Variants in SUCLA2 observed in about 807,000 individuals in gnomAD.
The protein encoded by SUCLA2 is succinate--CoA ligase [ADP-forming] subunit beta, mitochondrial.
SUCLA2 carries 30 observed loss-of-function variants against 54.8 expected under a neutral mutation model. The observed-to-expected ratio is 0.55, with a 90% CI of 0.41 to 0.74. SUCLA2 has a LOEUF of 0.74. Ranked by LOEUF, SUCLA2 falls within the 30% of genes least tolerant of loss-of-function variation. The pLI, the probability that SUCLA2 is intolerant of heterozygous loss-of-function variation, is 0.00. For synonymous variants in SUCLA2, 172 were observed against 188.9 expected, an observed-to-expected ratio of 0.91 and a Z score of 0.74; for missense variants, 476 against 562.9, an observed-to-expected ratio of 0.85 and a Z score of 1.56.
At chr13:47,999,075 T>G (rs546802321) in intron 1 of SUCLA2, among the ~76,000 whole-genome samples, 1 of 152,284 alleles carries the variant, frequency 6.6e-6, no homozygotes, top group East Asian at 1.9e-4. Context: ...AATAAACAAC[T>G]GCAACACATA....
intron 4 of SUCLA2, among the ~76,000 whole-genome samples, chr13:47,984,993 T>G (rs1242446578): frequency 6.6e-6 from 1 of 152,106 alleles, no homozygotes; most frequent in Non-Finnish European, 1.5e-5. Context: ...AGACCAAAAG[T>G]ACCCAACAGG....
chr13:48,000,137 G>GAA (rs10714629), intron 1 of SUCLA2, among the ~76,000 whole-genome samples: 75 of 94,204 alleles, frequency 8.0e-4, no homozygotes, highest in East Asian at 3.0e-3. Context: ...CAATAAAAAT[G>GAA]AAAAAAAAAA....
chr13:48,001,085 C>T (rs1206273916), intron 1 of SUCLA2, 95 bp downstream of exon 1: 1 of 1,529,604 alleles, frequency 6.5e-7, no homozygotes, highest in East Asian at 2.5e-5. Flanking sequence ...AATGTCACTG[C>T]CGGCGAAGTG....
chr13:47,953,854 T>C (rs1349024638), intron 8 of SUCLA2, among the ~76,000 whole-genome samples: 2 of 152,152 alleles, frequency 1.3e-5, no homozygotes, highest in African/African-American at 4.8e-5. Flanking sequence ...TTTTGAATTA[T>C]GATACTTCAC....
chr13:47,943,314 G>C lies in SUCLA2; in HGVS notation c.*57C>G. ...AAAAAGAACAATAACACAGAACACA[G>C]TATTCTTAATGATTATAGCACATTT... On this transcript the variant is annotated 3_prime_UTR_variant, in exon 11 of 11. Coordinates refer to ENST00000646932, the MANE Select transcript of SUCLA2 (RefSeq NM_003850.3). 1 of 1,489,584 alleles carries C rather than the reference G, an allele frequency of 6.7e-7. No homozygotes were observed. Among genetic ancestry groups the C allele is most frequent in the South Asian group, 1.1e-5 (1 of 88,442 alleles). 92.3% of individuals were successfully genotyped at this position (1,489,584 alleles called of 1,614,324 possible).
chr13:47,966,237 T>C (rs749630374), intron 6 of SUCLA2, among the ~76,000 whole-genome samples: 14 of 152,154 alleles, frequency 9.2e-5, no homozygotes, highest in Non-Finnish European at 1.5e-4. Flanking sequence ...AAAGTGTATT[T>C]AGGAGTTCCT....
chr13:47,975,182 C>A (rs4942727), intron 4 of SUCLA2, among the ~76,000 whole-genome samples: 109,793 of 146,370 alleles, frequency 0.75, 41,007 homozygotes, highest in Non-Finnish European at 0.82. Context: ...TTTTTTTTAT[C>A]TGGAGTGTCG....
intron 1 of SUCLA2, 44 bp downstream of exon 1, chr13:48,001,136 T>C (rs760720768): frequency 5.5e-5 from 86 of 1,574,436 alleles, no homozygotes; most frequent in Non-Finnish European, 7.2e-5. Flanking sequence ...CCTCACCCTT[T>C]CTCCTGCCGA....
chr13:47,975,023 CTT>C (rs1158869553), intron 4 of SUCLA2, among the ~76,000 whole-genome samples: 1 of 151,700 alleles, frequency 6.6e-6, no homozygotes, highest in African/African-American at 2.4e-5. Flanking sequence ...CATTAAAAGA[CTT>C]TTGTTATTTT....
chr13:47,974,794 GA>G (rs750009188), intron 4 of SUCLA2, among the ~76,000 whole-genome samples: 1 of 151,816 alleles, frequency 6.6e-6, no homozygotes, highest in Non-Finnish European at 1.5e-5. Context: ...ATGTTAACAT[GA>G]AAAAAAGAGA....
intron 10 of SUCLA2, among the ~76,000 whole-genome samples, chr13:47,948,177 TG>T (rs1949748427): frequency 6.6e-6 from 1 of 152,076 alleles, no homozygotes; most frequent in African/African-American, 2.4e-5. Context: ...ATCACAGTTG[TG>T]GGAGGAAGTA....
In SUCLA2 at chr13:47,988,926, T is replaced by G; in HGVS notation, c.327A>C (p.Gly109=). 1 of 1,613,530 alleles carries G rather than the reference T, an allele frequency of 6.2e-7. No individual in the cohort carries two copies. Among genetic ancestry groups the G allele is most frequent in the Non-Finnish European group, 8.5e-7 (1 of 1,179,986 alleles). Residue 109 remains glycine, a synonymous_variant, in exon 3 of 11, where the codon GGA becomes GGC. Coordinates refer to ENST00000646932, the MANE Select transcript of SUCLA2 (RefSeq NM_003850.3). The part of the protein sequence containing the change: ...AQVLAGGRGK[G]TFESGLKGGV... Reference sequence around the variant, plus strand: ...CTCCTTTGAGGCCACTTTCAAATGTTCCTTTTCCTCTACCACCAGCTAAAA... The same window carrying G: ...CTCCTTTGAGGCCACTTTCAAATGTGCCTTTTCCTCTACCACCAGCTAAAA...
At chr13:47,992,837 C>T (rs1308212872) in intron 2 of SUCLA2, among the ~76,000 whole-genome samples, 2 of 152,208 alleles carry the variant, frequency 1.3e-5, no homozygotes, top group Non-Finnish European at 2.9e-5. Context: ...TTAATCAGCA[C>T]CCTTTACATG....
chr13:47,950,895 G>A (rs1272562143), intron 8 of SUCLA2, among the ~76,000 whole-genome samples: 1 of 152,138 alleles, frequency 6.6e-6, no homozygotes, highest in Non-Finnish European at 1.5e-5. Flanking sequence ...GAAAAGGGGT[G>A]AGACACACTG....
Position 48,001,163 on chromosome 13 carries a change from G to C in SUCLA2, c.90+17C>G. 1 of 1,603,504 alleles carries C rather than the reference G, an allele frequency of 6.2e-7. No individual in the cohort carries two copies. On this transcript the variant is annotated intron_variant, in intron 1 of 10. Transcript: ENST00000646932. ...TCCTGCCGACCCTCGAGACGACAGC[G>C]GACTGGAAGGCATTACCTGAGCAGC...
intron 10 of SUCLA2, among the ~76,000 whole-genome samples, chr13:47,944,403 A>G (rs1036149166): frequency 6.6e-6 from 1 of 152,148 alleles, no homozygotes; most frequent in Non-Finnish European, 1.5e-5. Context: ...ATTTAAATCA[A>G]CTGTTCACTT....
intron 4 of SUCLA2, among the ~76,000 whole-genome samples, chr13:47,974,346 G>C (rs1224138202): frequency 6.6e-6 from 1 of 152,204 alleles, no homozygotes. Context: ...AGCACTTCGG[G>C]ACGCCAAGGC....
intron 4 of SUCLA2, among the ~76,000 whole-genome samples, chr13:47,983,852 G>A (rs1000387751): frequency 6.6e-6 from 1 of 151,952 alleles, no homozygotes; most frequent in African/African-American, 2.4e-5. Context: ...AAGCCACAGA[G>A]AAGGCAACAC....
chr13:47,954,173 T>G lies in SUCLA2; in HGVS notation c.1074A>C (p.Thr358=), dbSNP rs746516356. Residue 358 remains threonine (T), a synonymous_variant, in exon 8 of 11, where the codon ACA becomes ACC. Coordinates refer to ENST00000646932, the MANE Select transcript of SUCLA2 (RefSeq NM_003850.3). Reference sequence around the variant, plus strand: ...CTGAAGTGATAAGCTTAAATGCTTCTGTTACTTGATGGACTGTAGCACCAC... The same window carrying G: ...CTGAAGTGATAAGCTTAAATGCTTCGGTTACTTGATGGACTGTAGCACCAC... The part of the protein sequence containing the change: ...VGGGATVHQV[T]EAFKLITSDK... 164 of 1,613,786 alleles carry G rather than the reference T, an allele frequency of 1.0e-4. 2 individuals carry two copies. The South Asian group carries it at 1.2e-3, about 11-fold the overall frequency.
Sources: gnomAD v4.1 joint callset for allele counts (sites outside exome capture counted in the v4.1 genomes callset) on GRCh38, gnomAD v4.1.1 for gene constraint, MANE v1.5 for transcripts, NCBI Gene and HGNC (gene_info 2026-07-23, HGNC 2026-07-21) for gene names.